ADD3: variants seen among roughly 807,000 people sequenced by gnomAD.
ADD3 encodes gamma-adducin.
ADD3 carries 25 observed loss-of-function variants against 80.2 expected under a neutral mutation model. The observed-to-expected ratio is 0.31, with a 90% confidence interval of 0.23 to 0.44. ADD3 has a LOEUF of 0.44. Among genes scored for constraint, ADD3 ranks in the 20% least tolerant of loss-of-function variants. The pLI is 1.00. For missense variants in ADD3, 829 were observed against 847.5 expected (o/e 0.98, Z 0.27); for synonymous variants, 284 against 289.6 (o/e 0.98, Z 0.20).
In ADD3 at chr10:110,133,723, G is replaced by T. The variant is rs183460848; in HGVS notation, c.*105G>T. 114 of 943,490 alleles carry T rather than the reference G, an allele frequency of 1.2e-4. No individual in the cohort carries two copies. In the African/African-American group the frequency reaches 1.8e-3, roughly 15 times the overall value. 58.4% of individuals were successfully genotyped at this position (943,490 alleles called of 1,614,324 possible). A position where few individuals can be genotyped will look rare whatever the true frequency, so the allele number is the denominator to read the frequency against. ...GCAATGGTAGATCAGATTGGGGGAT[G>T]TAGCAAACTGGACTTTAAGAACTGG... On this transcript the variant is annotated 3_prime_UTR_variant, in exon 15 of 15. Transcript: ENST00000356080.
intron 1 of ADD3, among the ~76,000 whole-genome samples, chr10:110,032,924 G>C (rs1855219855): frequency 6.6e-6 from 1 of 152,176 alleles, no homozygotes; most frequent in East Asian, 1.9e-4. Context: ...ATTAAGAGAA[G>C]TTAGAGTTAA....
chr10:110,090,335 T>G (rs1009080108), intron 1 of ADD3, among the ~76,000 whole-genome samples: 2 of 151,916 alleles, frequency 1.3e-5, no homozygotes, highest in South Asian at 4.2e-4. Flanking sequence ...TTCTCATGCT[T>G]TGGCCTCCCA....
chr10:110,028,127 G>C (rs1008834978), intron 1 of ADD3, among the ~76,000 whole-genome samples: 1 of 152,172 alleles, frequency 6.6e-6, no homozygotes, highest in Non-Finnish European at 1.5e-5. Context: ...TACGTAAAGT[G>C]TGTAATATGG....
chr10:110,126,597 T>C (rs928561360), intron 12 of ADD3, 94 bp downstream of exon 12: 1 of 904,230 alleles, frequency 1.1e-6, no homozygotes, highest in Non-Finnish European at 1.7e-6. Context: ...CTAAGGTTAA[T>C]ATAAGCACAA....
chr10:110,063,461 T>C (rs1254285031), intron 1 of ADD3, among the ~76,000 whole-genome samples: 1 of 151,974 alleles, frequency 6.6e-6, no homozygotes, highest in Non-Finnish European at 1.5e-5. Context: ...AGAGCTCATA[T>C]AGGAGAACTT....
At chr10:110,088,383 A>C (rs1847075114) in intron 1 of ADD3, among the ~76,000 whole-genome samples, 2 of 152,238 alleles carry the variant, frequency 1.3e-5, no homozygotes, top group African/African-American at 4.8e-5. Flanking sequence ...CTTGCACTTA[A>C]AACCATCAAC....
chr10:110,064,956 G>A (rs1258257812), intron 1 of ADD3, among the ~76,000 whole-genome samples: 2 of 152,172 alleles, frequency 1.3e-5, no homozygotes, highest in African/African-American at 4.8e-5. Flanking sequence ...TATGCAGGAG[G>A]CTGAAGTGGG....
At chr10:110,074,327 C>T (rs535945208) in intron 1 of ADD3, among the ~76,000 whole-genome samples, 15 of 152,320 alleles carry the variant, frequency 9.8e-5, no homozygotes, top group African/African-American at 3.4e-4. Context: ...TTGAAAACAT[C>T]TCCATTTGGA....
intron 1 of ADD3, among the ~76,000 whole-genome samples, chr10:110,036,248 G>A (rs1430911469): frequency 7.6e-4 from 115 of 151,994 alleles, no homozygotes; most frequent in Non-Finnish European, 3.5e-4. Context: ...TAGTGAGGCA[G>A]CATTTTACCA....
At chr10:110,087,153 C>G (rs2501576) in intron 1 of ADD3, among the ~76,000 whole-genome samples, 9,991 of 152,138 alleles carry the variant, frequency 0.066, 564 homozygotes, top group African/African-American at 0.15. Context: ...CTCAGCTTTC[C>G]AAGTAGCTGG....
intron 1 of ADD3, among the ~76,000 whole-genome samples, chr10:110,082,105 T>C (rs1297111304): frequency 6.6e-6 from 1 of 152,216 alleles, no homozygotes; most frequent in Non-Finnish European, 1.5e-5. Flanking sequence ...GGGAATTCAC[T>C]TCCTATCAGG....
chr10:110,120,601 G>A (rs947353953), intron 8 of ADD3, among the ~76,000 whole-genome samples: 1 of 152,068 alleles, frequency 6.6e-6, no homozygotes, highest in Non-Finnish European at 1.5e-5. Context: ...TAATGGAATG[G>A]CTGGGTCAAA....
intron 1 of ADD3, among the ~76,000 whole-genome samples, chr10:110,036,668 A>G (rs1368131336): frequency 6.6e-6 from 1 of 151,026 alleles, no homozygotes; most frequent in Non-Finnish European, 1.5e-5. Flanking sequence ...CACCACGCCC[A>G]GCCTTCTTTT....
intron 2 of ADD3, among the ~76,000 whole-genome samples, chr10:110,104,914 G>A (rs925125972): frequency 6.6e-6 from 1 of 152,144 alleles, no homozygotes; most frequent in Non-Finnish European, 1.5e-5. Flanking sequence ...GTAATCACTA[G>A]GCTGTACCAC....
chr10:110,039,406 C>A (rs997953911), intron 1 of ADD3, among the ~76,000 whole-genome samples: 5 of 151,992 alleles, frequency 3.3e-5, no homozygotes, highest in African/African-American at 1.2e-4. Context: ...GGAGTGTGGC[C>A]CTGACCTTGA....
intron 1 of ADD3, among the ~76,000 whole-genome samples, chr10:110,052,815 A>T (rs1857675323): frequency 2.0e-5 from 3 of 152,244 alleles, no homozygotes; most frequent in African/African-American, 7.2e-5. Flanking sequence ...GAAAGGAACT[A>T]AGGTCCATTC....
Position 110,089,678 on chromosome 10 carries a change from A to AAT in ADD3, c.-29-10936_-29-10935dup, listed in dbSNP as rs199989268. Among the ~76,000 whole-genome samples, 6 of 151,296 alleles carry AAT rather than the reference A, an allele frequency of 4.0e-5. No individual in the cohort carries two copies. In the South Asian group the frequency reaches 6.2e-4, roughly 16 times the overall value. Reference sequence around the variant, plus strand: ...TTGATTGTTTTACTCATTTCATAGGAATATATATATATGTACACACACATA... The same window carrying AAT: ...TTGATTGTTTTACTCATTTCATAGGAATATATATATATATGTACACACACATA... On this transcript the variant is annotated intron_variant, in intron 1 of 14. Coordinates refer to ENST00000356080, the MANE Select transcript of ADD3 (RefSeq NM_016824.5).
chr10:110,052,662 T>C (rs1301785073), intron 1 of ADD3, among the ~76,000 whole-genome samples: 2 of 152,214 alleles, frequency 1.3e-5, no homozygotes, highest in Non-Finnish European at 2.9e-5. Context: ...TTTCTTAAAC[T>C]GCAGGCTCCT....
intron 5 of ADD3, 34 bp from the exon 6 acceptor site, chr10:110,118,553 T>C (rs1565015003): frequency 6.3e-7 from 1 of 1,592,270 alleles, no homozygotes; most frequent in Non-Finnish European, 8.6e-7. Context: ...GATACGTATA[T>C]ACCAGTTAAA....
Sources: allele counts gnomAD v4.1 joint callset (sites outside exome capture counted in the v4.1 genomes callset), GRCh38; gene constraint gnomAD v4.1.1; transcripts MANE v1.5; gene names NCBI Gene and HGNC (gene_info 2026-07-23, HGNC 2026-07-21).